The following MYO9A variants were observed in gnomAD, a reference collection of about 807,000 sequenced individuals.
MYO9A encodes the protein myosin IXA, also known as unconventional myosin-IXa.
Under a neutral mutation model 293.3 loss-of-function variants are expected in MYO9A, and 103 were observed. The observed-to-expected ratio is 0.35, with a 90% CI of 0.30 to 0.41. The LOEUF is 0.41. MYO9A is among the 10% of genes least tolerant of loss of function. MYO9A has a pLI of 1.00. For synonymous variants in MYO9A, 1,001 were observed against 1,035.7 expected (o/e 0.97, Z 0.64); for missense variants, 2,685 against 3,033.0 (o/e 0.89, Z 2.69).
At chr15:71,911,859 A>C (rs1415655972) in intron 19 of MYO9A, among the ~76,000 whole-genome samples, 1 of 152,224 alleles carries the variant, frequency 6.6e-6, no homozygotes, top group Non-Finnish European at 1.5e-5. Context: ...AATGTTTTAG[A>C]GTATAGTGAA....
chr15:71,971,205 G>C (rs951919552), intron 12 of MYO9A, among the ~76,000 whole-genome samples: 6 of 151,748 alleles, frequency 4.0e-5, no homozygotes, highest in African/African-American at 1.5e-4. Context: ...CTCATTATTG[G>C]GTTAAATCTA....
intron 32 of MYO9A, among the ~76,000 whole-genome samples, chr15:71,864,486 C>A (rs1018371392): frequency 4.6e-5 from 7 of 152,144 alleles, no homozygotes; most frequent in Admixed American, 2.0e-4. Flanking sequence ...CAGGTTTATA[C>A]ACAAGATAAC....
intron 4 of MYO9A, among the ~76,000 whole-genome samples, 191 bp from the exon 5 acceptor site, chr15:72,021,208 G>C (rs1477871745): frequency 1.3e-5 from 2 of 152,192 alleles, no homozygotes; most frequent in African/African-American, 2.4e-5. Context: ...GAATACAAAA[G>C]AGAGGGATGA....
chr15:72,109,664 G>A (rs1003984895), intron 1 of MYO9A, among the ~76,000 whole-genome samples: 3 of 151,878 alleles, frequency 2.0e-5, no homozygotes, highest in Non-Finnish European at 4.4e-5. Flanking sequence ...CAAGGCAGGC[G>A]GATCGCTTGA....
intron 15 of MYO9A, chr15:71,950,088 A>C (rs2059017768): frequency 6.6e-6 from 1 of 152,194 alleles, no homozygotes; most frequent in African/African-American, 2.4e-5. Flanking sequence ...CCAATTCACC[A>C]CTACCTAAAG....
chr15:71,989,505 T>C (rs900677423), intron 11 of MYO9A, among the ~76,000 whole-genome samples: 2 of 152,046 alleles, frequency 1.3e-5, no homozygotes, highest in Non-Finnish European at 2.9e-5. Context: ...TTTGTATCAG[T>C]AGTTTTGTAT....
intron 18 of MYO9A, among the ~76,000 whole-genome samples, chr15:71,929,676 A>G (rs985927811): frequency 1.3e-5 from 2 of 152,198 alleles, no homozygotes; most frequent in South Asian, 4.1e-4. Context: ...TGTCGTATTG[A>G]ATATGGTGTA....
intron 1 of MYO9A, among the ~76,000 whole-genome samples, chr15:72,100,918 TGGGG>T (rs557887276): frequency 1.1e-5 from 1 of 87,254 alleles, no homozygotes; most frequent in Non-Finnish European, 2.3e-5. Context: ...GGGAGGGAGG[TGGGG>T]GGGGTCAGCC....
chr15:71,842,834 T>C lies in MYO9A; in HGVS notation c.6837+6011A>G, dbSNP rs918558715. The stretch of plus-strand genomic sequence containing the variant: ...GAGATAGCACCACTGCACTCCAGCC[T>C]GGGTGACAGAGCGAGACTCCACCTC... On this transcript the variant is annotated intron_variant, in intron 39 of 41. Transcript: ENST00000356056. Among the ~76,000 whole-genome samples the C allele has an allele frequency of 6.1e-5, 9 of 147,642 alleles. No homozygotes were observed. In the East Asian group the frequency reaches 1.2e-3, roughly 20 times the overall value.
At chr15:72,090,345 C>T (rs2150578686) in intron 1 of MYO9A, among the ~76,000 whole-genome samples, 1 of 152,112 alleles carries the variant, frequency 6.6e-6, no homozygotes, top group Admixed American at 6.5e-5. Flanking sequence ...TTTAGAATTG[C>T]ATAACAAATG....
At chr15:71,887,214 G>C (rs1484387923) in intron 27 of MYO9A, among the ~76,000 whole-genome samples, 1 of 151,946 alleles carries the variant, frequency 6.6e-6, no homozygotes. Context: ...AATACCATAA[G>C]TCATGTAACA....
intron 1 of MYO9A, among the ~76,000 whole-genome samples, chr15:72,063,582 C>T (rs1274686287): frequency 6.6e-6 from 1 of 151,884 alleles, no homozygotes; most frequent in Non-Finnish European, 1.5e-5. Flanking sequence ...TTAAAATGGG[C>T]AAAAGACTGG....
intron 18 of MYO9A, among the ~76,000 whole-genome samples, chr15:71,918,544 C>T (rs190869837): frequency 6.6e-6 from 1 of 151,840 alleles, no homozygotes; most frequent in Non-Finnish European, 1.5e-5. Context: ...GGCATTTGTG[C>T]TAATTAGAAA....
chr15:72,075,231 G>A (rs1405977256), intron 1 of MYO9A, among the ~76,000 whole-genome samples: 4 of 151,870 alleles, frequency 2.6e-5, no homozygotes, highest in East Asian at 1.9e-4. Context: ...TTCCCAAAGT[G>A]CTGGGATTAC....
At chr15:71,933,514 G>C (rs2058539662) in intron 18 of MYO9A, among the ~76,000 whole-genome samples, 156 bp downstream of exon 18, 1 of 152,014 alleles carries the variant, frequency 6.6e-6, no homozygotes, top group Non-Finnish European at 1.5e-5. Flanking sequence ...TTTCATAACA[G>C]TGTTATTTCT....
intron 1 of MYO9A, among the ~76,000 whole-genome samples, chr15:72,065,693 C>G (rs1030687542): frequency 2.0e-5 from 3 of 151,460 alleles, no homozygotes; most frequent in African/African-American, 7.3e-5. Flanking sequence ...CAGAAGATAC[C>G]TGCAATACAC....
In MYO9A at chr15:71,938,870, A is replaced by G. The variant is rs2058700561; in HGVS notation, c.2360T>C (p.Leu787Pro). 9 of 1,609,610 alleles carry G rather than the reference A, an allele frequency of 5.6e-6. No individual in the cohort carries two copies. The highest frequency in any genetic ancestry group is 1.7e-5 in the Admixed American group (1 of 59,384). The change falls in exon 16 of 42, where the codon CTA becomes CCA. Residue 787 changes from leucine to proline, a missense_variant. Physicochemically the swap from Leu to Pro is moderately conservative, Grantham distance 98. This residue lies in a region of MYO9A where 1,434 missense variants were observed against 1,497.7 expected (regional missense o/e 0.96). Transcript: ENST00000356056. Reference protein sequence around the residue: ...PLSDLQGMNALNEKNQHDTFD... With the variant: ...PLSDLQGMNAPNEKNQHDTFD... Reference sequence around the variant, plus strand: ...CACTTACTGTTGGTTTTTTTCATTTAGAGCATTCATGCCCTGGAGATCAGA... The same window carrying G: ...CACTTACTGTTGGTTTTTTTCATTTGGAGCATTCATGCCCTGGAGATCAGA...
intron 18 of MYO9A, among the ~76,000 whole-genome samples, chr15:71,925,934 T>C (rs1289614716): frequency 6.6e-6 from 1 of 152,220 alleles, no homozygotes; most frequent in African/African-American, 2.4e-5. Context: ...TTTATCACGG[T>C]AGTTATCTTA....
At chr15:72,076,174 A>C (rs1246511576) in intron 1 of MYO9A, among the ~76,000 whole-genome samples, 1 of 152,080 alleles carries the variant, frequency 6.6e-6, no homozygotes, top group East Asian at 1.9e-4. Flanking sequence ...GCATGGTGCC[A>C]TGTGCCTGTA....
Sources: allele counts gnomAD v4.1 joint callset (sites outside exome capture counted in the v4.1 genomes callset), GRCh38; gene constraint gnomAD v4.1.1; regional missense constraint gnomAD v4.1.1; transcripts MANE v1.5; gene names NCBI Gene and HGNC (gene_info 2026-07-23, HGNC 2026-07-21).